Variants in SASH1 observed in about 807,000 individuals in gnomAD.
SASH1 encodes SAM and SH3 domain containing 1.
Under a neutral mutation model 125.2 loss-of-function variants are expected in SASH1, and 44 were observed. The ratio of observed to expected loss-of-function variants is 0.35; its 90% confidence interval spans 0.28 to 0.45. SASH1 has a LOEUF of 0.45. Ranked by LOEUF, SASH1 falls within the 20% of genes least tolerant of loss-of-function variation. SASH1 has a pLI of 1.00. For missense variants in SASH1, 1,426 were observed against 1,614.5 expected (o/e 0.88, Z 2.00); for synonymous variants, 639 against 649.1 (o/e 0.98, Z 0.24).
chr6:148,433,090 A>AT (rs1776131042), intron 2 of SASH1, among the ~76,000 whole-genome samples: 1 of 151,994 alleles, frequency 6.6e-6, no homozygotes, highest in Non-Finnish European at 1.5e-5. Flanking sequence ...GGATTTATTT[A>AT]TTTTTTTAGC....
chr6:148,408,835 A>G (rs1454609630), intron 2 of SASH1, among the ~76,000 whole-genome samples: 1 of 152,208 alleles, frequency 6.6e-6, no homozygotes, highest in Non-Finnish European at 1.5e-5. Context: ...ACTTTGAGTT[A>G]ATATTTGCAT....
At chr6:148,520,213 T>G (rs1780728569) in intron 10 of SASH1, 1 of 284,116 alleles carries the variant, frequency 3.5e-6, no homozygotes, top group Non-Finnish European at 6.7e-6. Context: ...TACAGCCACC[T>G]GAACCTGACC....
chr6:148,387,616 C>CTTTCTTTCTTTCTTTG (rs1783480669), intron 1 of SASH1, among the ~76,000 whole-genome samples: 1 of 21,002 alleles, frequency 4.8e-5, no homozygotes, highest in Non-Finnish European at 9.7e-5. Flanking sequence ...TTCTTTCTTT[C>CTTTCTTTCTTTCTTTG]TTTCTTTCTT....
the SASH1 span, among the ~76,000 whole-genome samples, chr6:148,258,289 A>C: frequency 6.6e-6 from 1 of 152,202 alleles, no homozygotes; most frequent in African/African-American, 2.4e-5. Flanking sequence ...AGCAAACTAA[A>C]GAATCCTAAA....
At chr6:148,284,818 T>C (rs914046429) in intron 1 of SASH1, among the ~76,000 whole-genome samples, 3 of 152,228 alleles carry the variant, frequency 2.0e-5, no homozygotes, top group African/African-American at 7.2e-5. Flanking sequence ...TTTTGGCATA[T>C]AAATCTTTAT....
At chr6:148,474,273 G>A (rs1195388301) in intron 7 of SASH1, 51 bp downstream of exon 7, 1 of 1,178,590 alleles carries the variant, frequency 8.5e-7, no homozygotes, top group Admixed American at 2.0e-5. Context: ...ACTTTCTGAA[G>A]TGTAAAAATG....
the SASH1 span, among the ~76,000 whole-genome samples, chr6:148,236,824 C>A: frequency 3.7e-3 from 560 of 152,226 alleles, 3 homozygotes; most frequent in Admixed American, 5.8e-3. Context: ...AAATGCAATC[C>A]CTGATGCCAC....
intron 7 of SASH1, among the ~76,000 whole-genome samples, chr6:148,486,977 A>G (rs1347204080): frequency 1.4e-5 from 1 of 73,352 alleles, no homozygotes; most frequent in Non-Finnish European, 2.8e-5. Flanking sequence ...ATATATATAT[A>G]TATATATATA....
intron 9 of SASH1, among the ~76,000 whole-genome samples, chr6:148,518,614 A>G (rs578245343): frequency 1.0e-3 from 154 of 152,228 alleles, no homozygotes; most frequent in African/African-American, 3.5e-3. Flanking sequence ...CCTCTTCACA[A>G]TTCAGCGGGT....
At chr6:148,338,206 C>G (rs187980809), upstream of SASH1, among the ~76,000 whole-genome samples, 337 of 152,144 alleles carry the variant, frequency 2.2e-3, no homozygotes, top group Middle Eastern at 3.4e-3. Context: ...GCGGATCACT[C>G]GAACTCGGTC....
intron 1 of SASH1, among the ~76,000 whole-genome samples, chr6:148,362,114 A>T (rs1183145842): frequency 6.6e-6 from 1 of 151,134 alleles, no homozygotes; most frequent in African/African-American, 2.4e-5. Flanking sequence ...TTTTTAGTAG[A>T]GACGGGGTTT....
chr6:148,194,062 A>G, the SASH1 span, among the ~76,000 whole-genome samples: 655 of 152,324 alleles, frequency 4.3e-3, 5 homozygotes, highest in African/African-American at 0.015. Context: ...GGTGTAATAA[A>G]GGAGGATTCT....
the SASH1 span, among the ~76,000 whole-genome samples, chr6:148,217,893 T>C: frequency 6.6e-6 from 1 of 150,642 alleles, no homozygotes; most frequent in Non-Finnish European, 1.5e-5. Flanking sequence ...TGTGTGTCTG[T>C]AGTCCCAGCT....
At chr6:148,390,668 G>T (rs1032975072) in intron 2 of SASH1, among the ~76,000 whole-genome samples, 1 of 151,894 alleles carries the variant, frequency 6.6e-6, no homozygotes, top group Non-Finnish European at 1.5e-5. Context: ...GGTGCCTGTA[G>T]TCCCAGCTAC....
chr6:148,472,752 A>T (rs1778176242), intron 6 of SASH1, among the ~76,000 whole-genome samples: 1 of 152,232 alleles, frequency 6.6e-6, no homozygotes, highest in Non-Finnish European at 1.5e-5. Flanking sequence ...ATACAGGGCA[A>T]CATAAATTCC....
intron 2 of SASH1, among the ~76,000 whole-genome samples, chr6:148,406,617 C>T (rs1784384706): frequency 1.3e-5 from 2 of 152,180 alleles, no homozygotes; most frequent in Admixed American, 1.3e-4. Flanking sequence ...CCCCAAGAGA[C>T]AGGTGAAGCA....
intron 1 of SASH1, among the ~76,000 whole-genome samples, chr6:148,315,286 T>C (rs1485196262): frequency 1.3e-5 from 2 of 152,214 alleles, no homozygotes; most frequent in Non-Finnish European, 2.9e-5. Flanking sequence ...TCATTTGCTA[T>C]GTGGCACTCA....
At chr6:148,210,549 C>CA in the SASH1 span, among the ~76,000 whole-genome samples, 4 of 152,068 alleles carry the variant, frequency 2.6e-5, no homozygotes, top group Admixed American at 6.6e-5. Flanking sequence ...ATAAATACTT[C>CA]AAAAAACTAT....
rs577694828 is a variant in SASH1 at position 148,328,803 on chromosome 6, T to C, written n.74+56426T>C. Among the ~76,000 whole-genome samples the C allele has an allele frequency of 3.3e-5, 5 of 152,342 alleles. 1 individual carries two copies. In the South Asian group the frequency reaches 1.0e-3, roughly 32 times the overall value. ...CCCCTTGCTGTCATTTATCTTTACA[T>C]TATTACAGAAGAAAATATTTCATAC... On this transcript the variant is annotated intron_variant and non_coding_transcript_variant, in intron 1 of 3. Transcript: ENST00000367469.
Sources: gnomAD v4.1 joint callset for allele counts (sites outside exome capture counted in the v4.1 genomes callset) on GRCh38, gnomAD v4.1.1 for gene constraint, MANE v1.5 for transcripts, NCBI Gene and HGNC (gene_info 2026-07-23, HGNC 2026-07-21) for gene names.